The following WDFY3 variants were observed in gnomAD, a reference collection of about 807,000 sequenced individuals.
The protein encoded by WDFY3 is WD repeat and FYVE domain containing 3.
In WDFY3, 66 loss-of-function variants were observed where a neutral mutation model predicts 409.6. That is an observed-to-expected ratio of 0.16 (90% CI 0.13 to 0.20). The LOEUF (loss-of-function observed/expected upper bound fraction) is 0.20, where lower values mean the gene tolerates loss of function less well. Ranked by LOEUF, WDFY3 falls within the 10% of genes least tolerant of loss-of-function variation. The probability of loss-of-function intolerance (pLI) is 1.00; values close to 1 mark genes in which losing one functional copy is unlikely to be tolerated. For missense variants in WDFY3, 3,031 were observed against 4,298.1 expected, an observed-to-expected ratio of 0.71 and a Z score of 8.24; for synonymous variants, 1,521 against 1,537.1, an observed-to-expected ratio of 0.99 and a Z score of 0.25.
At chr4:84,909,029 T>TACACAC (rs145818813) in intron 2 of WDFY3, among the ~76,000 whole-genome samples, 4 of 149,922 alleles carry the variant, frequency 2.7e-5, no homozygotes, top group African/African-American at 9.7e-5. Context: ...CACGTATCCA[T>TACACAC]ACACACACAC....
At chr4:84,673,420 C>T (rs989708628) in intron 67 of WDFY3, among the ~76,000 whole-genome samples, 13 of 152,034 alleles carry the variant, frequency 8.6e-5, no homozygotes, top group African/African-American at 3.1e-4. Context: ...AATTAGAAGA[C>T]TCACTAATGA....
At chr4:84,905,477 A>C (rs1033264706) in intron 2 of WDFY3, among the ~76,000 whole-genome samples, 1 of 152,090 alleles carries the variant, frequency 6.6e-6, no homozygotes, top group East Asian at 1.9e-4. Flanking sequence ...CACACTCTTC[A>C]TGTTAAGTCC....
intron 1 of WDFY3, among the ~76,000 whole-genome samples, chr4:84,940,437 C>A (rs1771958268): frequency 6.6e-6 from 1 of 152,004 alleles, no homozygotes; most frequent in Non-Finnish European, 1.5e-5. Context: ...CTGAAAAAAA[C>A]ACACTATGAA....
intron 3 of WDFY3, among the ~76,000 whole-genome samples, chr4:84,861,466 C>T (rs1487987518): frequency 6.6e-6 from 1 of 151,858 alleles, no homozygotes. Context: ...TTAAAATATG[C>T]AAATTGAATA....
At chr4:84,929,468 C>A (rs140970656) in intron 2 of WDFY3, among the ~76,000 whole-genome samples, 1 of 149,620 alleles carries the variant, frequency 6.7e-6, no homozygotes, top group East Asian at 2.0e-4. Flanking sequence ...GATTGAATTG[C>A]GCCCCCCCCC....
intron 17 of WDFY3, 147 bp downstream of exon 17, chr4:84,801,503 A>G: frequency 1.4e-6 from 1 of 699,546 alleles, no homozygotes; most frequent in Non-Finnish European, 2.2e-6. Flanking sequence ...TCTAAGTGCC[A>G]TATTTTGAGT....
intron 13 of WDFY3, among the ~76,000 whole-genome samples, chr4:84,815,769 A>C (rs1287488331): frequency 6.6e-6 from 1 of 152,150 alleles, no homozygotes; most frequent in Non-Finnish European, 1.5e-5. Flanking sequence ...TCACTGGCAA[A>C]GTTAATGCTG....
chr4:84,855,963 C>T (rs970293522), intron 4 of WDFY3, among the ~76,000 whole-genome samples: 2 of 152,238 alleles, frequency 1.3e-5, no homozygotes, highest in African/African-American at 4.8e-5. Flanking sequence ...TGGCTTGCCA[C>T]TGTCCAGTTC....
At chr4:84,733,708 C>T (rs1424004487) in intron 43 of WDFY3, 99 bp from the exon 44 acceptor site, 2 of 1,078,542 alleles carry the variant, frequency 1.9e-6, no homozygotes, top group African/African-American at 3.2e-5. Context: ...TGGAAACAAA[C>T]ACAATCCACA....
chr4:84,746,437 A>G (rs1739460529), intron 36 of WDFY3, among the ~76,000 whole-genome samples: 1 of 152,216 alleles, frequency 6.6e-6, no homozygotes, highest in African/African-American at 2.4e-5. Flanking sequence ...AAACAAAGGG[A>G]CTATTAAACG....
intron 10 of WDFY3, among the ~76,000 whole-genome samples, chr4:84,823,435 A>T (rs564892745): frequency 7.2e-5 from 11 of 152,086 alleles, no homozygotes; most frequent in Non-Finnish European, 1.6e-4. Flanking sequence ...TATTATTAAA[A>T]TGAAAAACTG....
intron 16 of WDFY3, among the ~76,000 whole-genome samples, chr4:84,802,601 G>A (rs933075933): frequency 6.6e-6 from 1 of 152,098 alleles, no homozygotes; most frequent in Non-Finnish European, 1.5e-5. Flanking sequence ...GTCTCTATAT[G>A]CTTCCAAATA....
At chr4:84,803,192 T>C (rs1750927690) in intron 16 of WDFY3, 98 bp downstream of exon 16, 3 of 1,308,322 alleles carry the variant, frequency 2.3e-6, no homozygotes, top group East Asian at 2.7e-5. Flanking sequence ...GTATGTAATA[T>C]TAACTTTCTT....
At position 84,826,140 on chromosome 4, in the gene WDFY3, G is replaced by A. The variant is rs552197491; in HGVS notation, c.1123+675C>T. Among the ~76,000 whole-genome samples the A allele has an allele frequency of 1.8e-4, 28 of 151,986 alleles. No individual in the cohort carries two copies. The South Asian group carries it at 5.8e-3, about 32-fold the overall frequency. On this transcript the variant is annotated intron_variant, in intron 10 of 67. Transcript: ENST00000295888. Reference sequence around the variant, plus strand: ...TGTATCCATGGGTTCTGCATCTGTGGATTCAATCAATCACAGATGGAAAGT... The same window carrying A: ...TGTATCCATGGGTTCTGCATCTGTGAATTCAATCAATCACAGATGGAAAGT...
At chr4:84,858,990 G>C (rs1760164164) in intron 4 of WDFY3, among the ~76,000 whole-genome samples, 1 of 151,754 alleles carries the variant, frequency 6.6e-6, no homozygotes, top group South Asian at 2.1e-4. Flanking sequence ...AGACAGATAG[G>C]AAGAAAGAAA....
At chr4:84,824,665 G>A (rs566764867) in intron 10 of WDFY3, among the ~76,000 whole-genome samples, 34 of 152,084 alleles carry the variant, frequency 2.2e-4, no homozygotes, top group Admixed American at 2.0e-4. Flanking sequence ...TCATGATTAC[G>A]GTGGTGATTA....
rs1325775943 is a variant in WDFY3, at chr4:84,831,451, C to T, written c.731G>A (p.Arg244His). Residue 244 changes from arginine to histidine, a missense_variant, in exon 8 of 68, where the codon CGT becomes CAT. Transcript: ENST00000295888. ...CACTACATTGACACTAAGACCATGA[C>T]GAGATATGGTCATGAGGACTTCTCC... ...SAGEVLMTIS[R>H]HGLSVNVVKY... 10 of 1,613,572 alleles carry T rather than the reference C, an allele frequency of 6.2e-6. No individual in the cohort carries two copies. Among genetic ancestry groups the T allele is most frequent in the Admixed American group, 1.7e-5 (1 of 59,982 alleles).
At chr4:84,706,572 T>C (rs1400944705) in intron 53 of WDFY3, among the ~76,000 whole-genome samples, 2 of 138,830 alleles carry the variant, frequency 1.4e-5, no homozygotes, top group African/African-American at 5.4e-5. Flanking sequence ...AAACCCAACA[T>C]AGGTACCATG....
At position 84,721,460 on chromosome 4, in the gene WDFY3, C is replaced by A. The variant is rs1734842688; in HGVS notation, c.7554G>T (p.Glu2518Asp). The change falls in exon 47 of 68, where the codon GAG becomes GAT. Residue 2518 changes from glutamate to aspartate, a missense_variant. By Grantham distance (45) the Glu-to-Asp change is conservative (BLOSUM62 2). Transcript: ENST00000295888. ...GTAAGGTAGCATTATCTGTTTTCTC[C>A]TCCTCTTCTATGGAGCTGCCCTCAG... ...QIAEGSSIEE[E>D]EKTDNATLLR... The A allele has an allele frequency of 6.2e-7, 1 of 1,613,614 alleles. No homozygotes were observed. Among genetic ancestry groups the A allele is most frequent in the Admixed American group, 1.7e-5 (1 of 60,012 alleles).
Sources: gnomAD v4.1 joint callset for allele counts (sites outside exome capture counted in the v4.1 genomes callset) on GRCh38, gnomAD v4.1.1 for gene constraint, MANE v1.5 for transcripts, NCBI Gene and HGNC (gene_info 2026-07-23, HGNC 2026-07-21) for gene names.